Variants in PACS1 observed in about 807,000 individuals in gnomAD.
PACS1 encodes the protein PACS-1.
A neutral mutation model predicts 115.0 loss-of-function variants in PACS1; 24 were observed. The observed-to-expected ratio is 0.21, with a 90% CI of 0.15 to 0.29. PACS1 has a LOEUF of 0.29. PACS1 is among the 10% of genes least tolerant of loss of function. PACS1 has a pLI of 1.00. For synonymous variants in PACS1, 453 were observed against 504.5 expected, an observed-to-expected ratio of 0.90 and a Z score of 1.37; for missense variants, 838 against 1,251.2, an observed-to-expected ratio of 0.67 and a Z score of 4.98.
At chr11:66,194,939 G>C (rs1261480694) in intron 2 of PACS1, among the ~76,000 whole-genome samples, 1 of 151,548 alleles carries the variant, frequency 6.6e-6, no homozygotes, top group Non-Finnish European at 1.5e-5. Flanking sequence ...AACTTAAAAT[G>C]TTGGGCCGGG....
At chr11:66,154,689 T>C (rs1859314232) in intron 1 of PACS1, among the ~76,000 whole-genome samples, 1 of 152,174 alleles carries the variant, frequency 6.6e-6, no homozygotes, top group Non-Finnish European at 1.5e-5. Context: ...TACTGAAAAC[T>C]ACAAAATATT....
intron 1 of PACS1, among the ~76,000 whole-genome samples, chr11:66,135,918 A>G (rs1295471008): frequency 2.6e-5 from 4 of 151,896 alleles, no homozygotes; most frequent in Admixed American, 1.3e-4. Flanking sequence ...TGGCCTCCCA[A>G]AGTGCTGGGA....
chr11:66,200,040 A>C (rs1419064468), intron 2 of PACS1, among the ~76,000 whole-genome samples: 1 of 116,932 alleles, frequency 8.6e-6, no homozygotes, highest in Non-Finnish European at 2.0e-5. Flanking sequence ...AACAAAAACA[A>C]AACAAAACAA....
At chr11:66,104,444 G>GT (rs1406400565) in intron 1 of PACS1, among the ~76,000 whole-genome samples, 1 of 152,144 alleles carries the variant, frequency 6.6e-6, no homozygotes, top group East Asian at 1.9e-4. Context: ...TGTAAATAAA[G>GT]TTTTACTGGA....
At chr11:66,109,859 A>G (rs1473454189) in intron 1 of PACS1, among the ~76,000 whole-genome samples, 2 of 152,202 alleles carry the variant, frequency 1.3e-5, no homozygotes, top group Non-Finnish European at 2.9e-5. Context: ...GTTTGCCATT[A>G]ATAAGTGATA....
In PACS1 at chr11:66,216,105, C is replaced by G; in HGVS notation, c.661-14C>G. 6.2e-7 allele frequency: 1 copy of G among 1,613,502 alleles called. No individual in the cohort carries two copies. The highest frequency in any genetic ancestry group is 1.1e-5 in the South Asian group (1 of 91,026). ...CTGTAGTAACACGCCTCCACCACCT[C>G]CCCTGGCTCCTAGGTGATGCAGCAT... is the stretch of plus-strand genomic sequence containing the variant. On this transcript the variant is annotated splice_polypyrimidine_tract_variant and intron_variant, in intron 4 of 23. Transcript: ENST00000320580.
rs140716328 is a variant in PACS1, at chr11:66,131,788, G to A, written c.356+60946G>A. Among the ~76,000 whole-genome samples, 5 of 151,838 alleles carry A rather than the reference G, an allele frequency of 3.3e-5. No individual in the cohort carries two copies. The South Asian group carries it at 6.2e-4, about 19-fold the overall frequency. Reference sequence around the variant, plus strand: ...ATGTAAAAAAAAAAGGCATTATCCTGTATTTTCTTCTAATTAGGTTTATAT... The same window carrying A: ...ATGTAAAAAAAAAAGGCATTATCCTATATTTTCTTCTAATTAGGTTTATAT... On this transcript the variant is annotated intron_variant, in intron 1 of 23. Coordinates refer to ENST00000320580, the MANE Select transcript of PACS1 (RefSeq NM_018026.4).
chr11:66,118,173 G>T (rs1219205308), intron 1 of PACS1, among the ~76,000 whole-genome samples: 1 of 152,174 alleles, frequency 6.6e-6, no homozygotes, highest in Non-Finnish European at 1.5e-5. Context: ...CTAAGGGGTT[G>T]GTGCATATTT....
chr11:66,235,775 G>A lies in PACS1; in HGVS notation c.2208-123G>A. 1.2e-6 allele frequency: 1 copy of A among 851,800 alleles called. No homozygotes were observed. The highest frequency in any genetic ancestry group is 2.0e-6 in the Non-Finnish European group (1 of 488,898). 52.8% of individuals were successfully genotyped at this position (851,800 alleles called of 1,614,324 possible). On this transcript the variant is annotated intron_variant, in intron 18 of 23. Transcript: ENST00000320580. This position sits in a 1 kb window ranked among gnomAD's most constrained non-coding sequence, Gnocchi z 5.6. ...TCCCCATGCCACCCCAGGATGTGAT[G>A]GGCAGAGGCAGCCCAGCATCCTGGA...
intron 1 of PACS1, among the ~76,000 whole-genome samples, chr11:66,097,873 T>C (rs567216766): frequency 1.3e-5 from 2 of 152,282 alleles, no homozygotes; most frequent in East Asian, 1.9e-4. Flanking sequence ...TGTTCAAGTC[T>C]TTTTCTTATT....
chr11:66,179,254 C>A (rs1197220082), intron 1 of PACS1, among the ~76,000 whole-genome samples: 3 of 152,162 alleles, frequency 2.0e-5, no homozygotes, highest in Non-Finnish European at 2.9e-5. Flanking sequence ...CAGTATTTTT[C>A]AGCCATAACT....
chr11:66,088,633 C>T (rs974828984), intron 1 of PACS1, among the ~76,000 whole-genome samples: 1 of 152,186 alleles, frequency 6.6e-6, no homozygotes, highest in African/African-American at 2.4e-5. Flanking sequence ...ATCAATGCCG[C>T]CCTGTCTCCG....
rs530922960 is a variant in PACS1 at position 66,126,254 on chromosome 11, G to A, written c.356+55412G>A. On this transcript the variant is annotated intron_variant, in intron 1 of 23. Coordinates refer to ENST00000320580, the MANE Select transcript of PACS1 (RefSeq NM_018026.4). ...TGGCCTGCTGGGGAACACACCAGAC[G>A]GAAAGTGAGAGTTCCTTGTTTTGGG... is the stretch of plus-strand genomic sequence containing the variant. 5.9e-5 allele frequency among the ~76,000 whole-genome samples: 9 copies of A among 152,292 alleles called. No homozygotes were observed. The East Asian group carries it at 1.5e-3, about 26-fold the overall frequency.
intron 22 of PACS1, 117 bp from the exon 23 acceptor site, chr11:66,242,795 G>A (rs1590845409): frequency 1.5e-6 from 2 of 1,355,490 alleles, no homozygotes; most frequent in East Asian, 4.6e-5. Context: ...AGGGAGGAGG[G>A]GTTGGTTTGC....
intron 1 of PACS1, among the ~76,000 whole-genome samples, chr11:66,136,805 C>T (rs545183574): frequency 2.4e-4 from 36 of 152,158 alleles, no homozygotes; most frequent in African/African-American, 8.4e-4. Flanking sequence ...TGGGAATTTC[C>T]ACCCTAAGTC....
At chr11:66,150,244 A>G (rs202052086) in intron 1 of PACS1, among the ~76,000 whole-genome samples, 1 of 152,230 alleles carries the variant, frequency 6.6e-6, no homozygotes, top group South Asian at 2.1e-4. Context: ...ATCCACTGAC[A>G]TACGTTCTTT....
At chr11:66,076,872 G>A (rs1857409163) in intron 1 of PACS1, among the ~76,000 whole-genome samples, 1 of 152,218 alleles carries the variant, frequency 6.6e-6, no homozygotes, top group Non-Finnish European at 1.5e-5. Flanking sequence ...CAGGGCTTGA[G>A]GTGATATTGA....
chr11:66,239,006 C>T, intron 20 of PACS1, 136 bp from the exon 21 acceptor site: 2 of 1,425,182 alleles, frequency 1.4e-6, no homozygotes, highest in Admixed American at 3.9e-5. Flanking sequence ...GCGGTGGTGG[C>T]TGGGGGAGGT....
chr11:66,086,398 A>G (rs756824680), intron 1 of PACS1, among the ~76,000 whole-genome samples: 13 of 151,568 alleles, frequency 8.6e-5, no homozygotes, highest in Non-Finnish European at 1.8e-4. Context: ...TCGGCCTCCC[A>G]AAGTGCTGGG....
Sources: allele counts gnomAD v4.1 joint callset (sites outside exome capture counted in the v4.1 genomes callset), GRCh38; gene constraint gnomAD v4.1.1; non-coding constraint Gnocchi (gnomAD v3.1); transcripts MANE v1.5; gene names NCBI Gene and HGNC (gene_info 2026-07-23, HGNC 2026-07-21).